JPH2: variants seen among roughly 807,000 people sequenced by gnomAD.
JPH2 encodes junctophilin 2, also known as junctophilin-2.
A neutral mutation model predicts 55.9 loss-of-function variants in JPH2; 38 were observed. The observed-to-expected ratio is 0.68, with a 90% confidence interval of 0.52 to 0.89. JPH2 has a LOEUF of 0.89. Among genes scored for constraint, JPH2 ranks in the 40% least tolerant of loss-of-function variants. The pLI, the probability that JPH2 is intolerant of heterozygous loss-of-function variation, is 0.00. For synonymous variants in JPH2, 480 were observed against 472.4 expected (o/e 1.02, Z -0.21); for missense variants, 964 against 1,037.6 (o/e 0.93, Z 0.97).
At chr20:44,161,389 T>C (rs142293659) in intron 1 of JPH2, among the ~76,000 whole-genome samples, 2 of 152,222 alleles carry the variant, frequency 1.3e-5, no homozygotes, top group African/African-American at 4.8e-5. Flanking sequence ...AGATGCCTTA[T>C]GTTAGCAGCC....
chr20:44,127,788 C>T lies in JPH2; in HGVS notation c.1170-9165G>A, dbSNP rs536716212. Among the ~76,000 whole-genome samples the T allele has an allele frequency of 3.3e-5, 5 of 152,162 alleles. No individual in the cohort carries two copies. The South Asian group carries it at 1.0e-3, about 32-fold the overall frequency. ...CAGGCGTGAGCCACCGCGCCCGGCC[C>T]ATCCTTCGTTTTGATTGTTGCCATA... On this transcript the variant is annotated intron_variant, in intron 2 of 5. Coordinates refer to ENST00000372980, the MANE Select transcript of JPH2 (RefSeq NM_020433.5).
At chr20:44,167,348 A>G (rs1276981719) in intron 1 of JPH2, among the ~76,000 whole-genome samples, 1 of 152,220 alleles carries the variant, frequency 6.6e-6, no homozygotes, top group Non-Finnish European at 1.5e-5. Context: ...CCCAGGCCCA[A>G]GGAAATCCTC....
At chr20:44,185,659 G>C (rs117100111) in intron 1 of JPH2, among the ~76,000 whole-genome samples, 2,270 of 145,520 alleles carry the variant, frequency 0.016, 27 homozygotes, top group Non-Finnish European at 0.022. Context: ...AGAATCCATG[G>C]ATGGATCATA....
chr20:44,114,927 C>A (rs996049140), intron 4 of JPH2, 51 bp from the exon 5 acceptor site: 7 of 1,417,314 alleles, frequency 4.9e-6, no homozygotes, highest in Non-Finnish European at 6.9e-6. Context: ...TCGGAGACAC[C>A]CCCCACCCAG....
Position 44,130,323 on chromosome 20 carries a change from G to A in JPH2, c.1170-11700C>T, listed in dbSNP as rs140857981. ...GCTGTGGTTGCCTCAGCCCAGTCTTGTCCCCCAGGGATATCAAGAGGCCCC... is the reference window on the plus strand; with the variant it reads ...GCTGTGGTTGCCTCAGCCCAGTCTTATCCCCCAGGGATATCAAGAGGCCCC... On this transcript the variant is annotated intron_variant, in intron 2 of 5. Coordinates refer to ENST00000372980, the MANE Select transcript of JPH2 (RefSeq NM_020433.5). Among the ~76,000 whole-genome samples the A allele has an allele frequency of 2.8e-4, 43 of 152,290 alleles. No individual in the cohort carries two copies. The East Asian group carries it at 6.9e-3, about 25-fold the overall frequency.
Position 44,186,620 on chromosome 20 carries a change from C to A in JPH2, c.86G>T (p.Cys29Phe). The A allele has an allele frequency of 6.2e-7, 1 of 1,612,662 alleles. No individual in the cohort carries two copies. The highest frequency in any genetic ancestry group is 1.1e-5 in the South Asian group (1 of 91,090). Reference protein sequence around the residue: ...EGGKAHGHGLCTGPKGQGEYS... With the variant: ...EGGKAHGHGLFTGPKGQGEYS... The stretch of plus-strand genomic sequence containing the variant: ...TTCGCCCTGGCCCTTGGGGCCTGTG[C>A]ACAGTCCATGCCCATGGGCCTTTCC... Residue 29 changes from cysteine to phenylalanine, a missense_variant, in exon 1 of 6, where the codon TGC (cysteine) becomes TTC (phenylalanine). By Grantham distance (205) the Cys-to-Phe change is radical (BLOSUM62 -2). Coordinates refer to ENST00000372980, the MANE Select transcript of JPH2 (RefSeq NM_020433.5).
intron 2 of JPH2, among the ~76,000 whole-genome samples, chr20:44,120,915 G>T (rs571896910): frequency 6.6e-6 from 1 of 152,220 alleles, no homozygotes; most frequent in Admixed American, 6.5e-5. Context: ...GCTGAGCATG[G>T]CCAGGAACTG....
rs756311095 is a variant in JPH2, at chr20:44,107,665, T to G, written c.*5853A>C. 4.6e-5 allele frequency among the ~76,000 whole-genome samples: 7 copies of G among 152,222 alleles called. No homozygotes were observed. Among genetic ancestry groups the G allele is most frequent in the African/African-American group, 7.2e-5 (3 of 41,462 alleles). On this transcript the variant is annotated 3_prime_UTR_variant, in exon 6 of 6. Coordinates refer to ENST00000372980, the MANE Select transcript of JPH2 (RefSeq NM_020433.5). ...AAACTTATATGGTGTATAGCAATTA[T>G]AAACTGTGGAGTCAATTACCTCAGC...
intron 2 of JPH2, among the ~76,000 whole-genome samples, chr20:44,140,103 C>A (rs2072444675): frequency 6.6e-6 from 1 of 152,168 alleles, no homozygotes; most frequent in Non-Finnish European, 1.5e-5. Context: ...AATCTCCTGA[C>A]CTCGTGATCT....
intron 2 of JPH2, among the ~76,000 whole-genome samples, chr20:44,141,906 A>G (rs193208672): frequency 6.6e-6 from 1 of 152,328 alleles, no homozygotes; most frequent in African/African-American, 2.4e-5. Context: ...AGAGAAGCAG[A>G]AAGTCCTTCT....
intron 2 of JPH2, among the ~76,000 whole-genome samples, chr20:44,120,039 G>A (rs535693800): frequency 2.8e-4 from 42 of 152,126 alleles, no homozygotes; most frequent in Non-Finnish European, 3.5e-4. Context: ...GCTGAAGCAG[G>A]TCTCCAGCTG....
At chr20:44,184,707 GATTCTT>G (rs2072817315) in intron 1 of JPH2, among the ~76,000 whole-genome samples, 2 of 152,110 alleles carry the variant, frequency 1.3e-5, no homozygotes, top group Non-Finnish European at 2.9e-5. Context: ...ACTCCTCTCT[GATTCTT>G]TAACCCACTG....
chr20:44,142,721 T>C (rs938667501), intron 2 of JPH2, among the ~76,000 whole-genome samples: 4 of 152,236 alleles, frequency 2.6e-5, no homozygotes, highest in African/African-American at 9.6e-5. Context: ...GCAAACATCA[T>C]GAAGGCTGGA....
Position 44,186,812 on chromosome 20 carries a change from C to T in JPH2, c.-107G>A. 9.1e-7 allele frequency: 1 copy of T among 1,104,454 alleles called. No individual in the cohort carries two copies. Among genetic ancestry groups the T allele is most frequent in the Non-Finnish European group, 1.3e-6 (1 of 747,244 alleles). The allele number at this position is 1,104,454 out of a possible 1,614,324, so 68.4% of individuals were successfully genotyped here. Reference sequence around the variant, plus strand: ...GCCCTCGGGGGCAGGCCCCCAGACTCACCACTGCACCCCAGGAGGGGGGAA... The same window carrying T: ...GCCCTCGGGGGCAGGCCCCCAGACTTACCACTGCACCCCAGGAGGGGGGAA... On this transcript the variant is annotated 5_prime_UTR_variant, in exon 1 of 6. An upstream open reading frame in the 5' UTR loses its in-frame stop. Coordinates refer to ENST00000372980, the MANE Select transcript of JPH2 (RefSeq NM_020433.5).
intron 2 of JPH2, among the ~76,000 whole-genome samples, chr20:44,128,221 T>G (rs2072291154): frequency 6.6e-6 from 1 of 152,168 alleles, no homozygotes; most frequent in African/African-American, 2.4e-5. Context: ...ATCTAAGAAT[T>G]TTATGGTTTT....
At chr20:44,129,286 G>A (rs538786904) in intron 2 of JPH2, among the ~76,000 whole-genome samples, 3 of 152,230 alleles carry the variant, frequency 2.0e-5, no homozygotes, top group South Asian at 2.1e-4. Context: ...CGGGCGCGGC[G>A]GCTCACACCT....
At chr20:44,137,858 G>C (rs2072425293) in intron 2 of JPH2, among the ~76,000 whole-genome samples, 2 of 152,076 alleles carry the variant, frequency 1.3e-5, no homozygotes, top group African/African-American at 4.8e-5. Flanking sequence ...ACTGGGAAGA[G>C]GGAGAGGAGA....
At chr20:44,158,162 G>A (rs932400468) in intron 2 of JPH2, among the ~76,000 whole-genome samples, 30 of 152,200 alleles carry the variant, frequency 2.0e-4, no homozygotes, top group African/African-American at 5.8e-4. Context: ...CCTGTGGCGC[G>A]CTCTAAGGAC....
chr20:44,151,843 C>T (rs1190260732), intron 2 of JPH2, among the ~76,000 whole-genome samples: 1 of 152,206 alleles, frequency 6.6e-6, no homozygotes, highest in African/African-American at 2.4e-5. Context: ...TCATTGCTCC[C>T]AAAATACATC....
Sources: allele counts gnomAD v4.1 joint callset (sites outside exome capture counted in the v4.1 genomes callset), GRCh38; gene constraint gnomAD v4.1.1; transcripts MANE v1.5; gene names NCBI Gene and HGNC (gene_info 2026-07-23, HGNC 2026-07-21).